IMMP2L: variants seen among roughly 807,000 people sequenced by gnomAD.
The protein encoded by IMMP2L is inner mitochondrial membrane peptidase subunit 2, also known as mitochondrial inner membrane protease subunit 2.
In IMMP2L, 18 loss-of-function variants were observed where a neutral mutation model predicts 19.3. The ratio of observed to expected loss-of-function variants is 0.93; its 90% CI spans 0.64 to 1.38. The LOEUF is 1.38. Among genes scored for constraint, IMMP2L ranks in the 40% most tolerant of loss-of-function variants. The pLI is 0.00. For synonymous variants in IMMP2L, 76 were observed against 73.0 expected, an observed-to-expected ratio of 1.04 and a Z score of -0.21; for missense variants, 233 against 218.2, an observed-to-expected ratio of 1.07 and a Z score of -0.43.
At chr7:111,421,288 G>A (rs1478708921) in intron 3 of IMMP2L, among the ~76,000 whole-genome samples, 1 of 29,760 alleles carries the variant, frequency 3.4e-5, no homozygotes, top group Non-Finnish European at 6.6e-5. Context: ...TTTTTTTTTT[G>A]AGACGGAGTC....
At chr7:110,669,089 G>GTA (rs746970601) in intron 5 of IMMP2L, among the ~76,000 whole-genome samples, 6 of 139,978 alleles carry the variant, frequency 4.3e-5, no homozygotes, top group South Asian at 2.3e-4. Context: ...GTGTGTGTGT[G>GTA]TATATGTATA....
chr7:111,107,524 G>A (rs1238693987), intron 3 of IMMP2L, among the ~76,000 whole-genome samples: 1 of 151,936 alleles, frequency 6.6e-6, no homozygotes, highest in African/African-American at 2.4e-5. Context: ...TTGAAGAAGG[G>A]GCAATGGAAC....
intron 4 of IMMP2L, among the ~76,000 whole-genome samples, chr7:110,900,996 T>C (rs1585194184): frequency 6.6e-6 from 1 of 151,974 alleles, no homozygotes; most frequent in Non-Finnish European, 1.5e-5. Flanking sequence ...AATGTGGCTG[T>C]TGCTTCACTT....
chr7:111,444,885 C>A (rs569177187), intron 3 of IMMP2L, among the ~76,000 whole-genome samples: 25 of 152,148 alleles, frequency 1.6e-4, no homozygotes, highest in African/African-American at 6.0e-4. Flanking sequence ...TGTCCTTCAG[C>A]ATAATATCTA....
chr7:110,844,018 G>A (rs527485742), intron 5 of IMMP2L, among the ~76,000 whole-genome samples: 3 of 152,228 alleles, frequency 2.0e-5, no homozygotes, highest in Admixed American at 6.5e-5. Flanking sequence ...GTGAAGCCTG[G>A]AGCCTTTGGA....
Position 111,123,432 on chromosome 7 carries a change from T to C in IMMP2L, c.240-159867A>G. On this transcript the variant is annotated intron_variant, in intron 3 of 5. Coordinates refer to ENST00000405709, the MANE Select transcript of IMMP2L (RefSeq NM_032549.4). This position sits in a 1 kb window ranked among gnomAD's most constrained non-coding sequence, Gnocchi z 6.4. ...TCAATCTTCGCAGCCTGGTTATAGC[T>C]GGTATAAACCTCACAGAAATACCAG... 1.9e-6 allele frequency: 3 copies of C among 1,613,434 alleles called. No individual in the cohort carries two copies. Among genetic ancestry groups the C allele is most frequent in the Non-Finnish European group, 2.5e-6 (3 of 1,179,812 alleles).
At chr7:111,302,437 T>G (rs1822360100) in intron 3 of IMMP2L, among the ~76,000 whole-genome samples, 1 of 152,128 alleles carries the variant, frequency 6.6e-6, no homozygotes, top group Admixed American at 6.6e-5. Flanking sequence ...GCATGAATAA[T>G]AATAAGTACA....
chr7:111,494,682 C>T (rs538546281), intron 2 of IMMP2L, among the ~76,000 whole-genome samples: 3 of 152,106 alleles, frequency 2.0e-5, no homozygotes, highest in Non-Finnish European at 4.4e-5. Context: ...TGCAGGAACA[C>T]TGATCTCATG....
intron 5 of IMMP2L, among the ~76,000 whole-genome samples, chr7:110,830,477 GAC>G (rs1368203905): frequency 6.6e-6 from 1 of 151,982 alleles, no homozygotes; most frequent in African/African-American, 2.4e-5. Context: ...AAGTAAAGTG[GAC>G]ACAGTTTTAC....
intron 5 of IMMP2L, among the ~76,000 whole-genome samples, chr7:110,719,297 A>G (rs563683060): frequency 7.9e-5 from 12 of 152,244 alleles, no homozygotes; most frequent in Non-Finnish European, 1.8e-4. Context: ...TCAATGCAGA[A>G]GCAAACATGA....
chr7:111,398,270 T>G (rs1285754924), intron 3 of IMMP2L, among the ~76,000 whole-genome samples: 1 of 152,140 alleles, frequency 6.6e-6, no homozygotes, highest in South Asian at 2.1e-4. Context: ...ATCAAAAAGA[T>G]AGTCCACCAT....
At chr7:110,898,641 T>C (rs1280408492) in intron 4 of IMMP2L, among the ~76,000 whole-genome samples, 1 of 152,096 alleles carries the variant, frequency 6.6e-6, no homozygotes. Context: ...CATTATCTAC[T>C]TCCCTGGAGA....
At chr7:111,360,113 T>C (rs1829117375) in intron 3 of IMMP2L, among the ~76,000 whole-genome samples, 1 of 101,170 alleles carries the variant, frequency 9.9e-6, no homozygotes, top group Non-Finnish European at 1.8e-5. Flanking sequence ...GATTACAATT[T>C]CGCCATAATG....
chr7:111,326,447 C>T (rs1477149213), intron 3 of IMMP2L, among the ~76,000 whole-genome samples: 2 of 151,760 alleles, frequency 1.3e-5, no homozygotes, highest in Non-Finnish European at 2.9e-5. Flanking sequence ...GAAAGCTGTA[C>T]AATGCCTCAA....
At chr7:111,089,690 C>T (rs1260602866) in intron 3 of IMMP2L, among the ~76,000 whole-genome samples, 1 of 151,866 alleles carries the variant, frequency 6.6e-6, no homozygotes, top group African/African-American at 2.4e-5. Flanking sequence ...ATAATAAAAC[C>T]TTACAATAAT....
In IMMP2L at chr7:110,963,575, G is replaced by A. The variant is rs769806233; in HGVS notation, c.240-10C>T. 6.5e-7 allele frequency: 1 copy of A among 1,538,170 alleles called. No homozygotes were observed. The highest frequency in any genetic ancestry group is 9.0e-7 in the Non-Finnish European group (1 of 1,116,036). ...TGGGTTTTTAGGAGACCTAGAACAA[G>A]AAGATAACATTATACAATCAGTTAT... On this transcript the variant is annotated splice_polypyrimidine_tract_variant and intron_variant, in intron 3 of 5. Transcript: ENST00000405709.
At chr7:110,858,111 G>A (rs1806996425) in intron 5 of IMMP2L, among the ~76,000 whole-genome samples, 1 of 151,506 alleles carries the variant, frequency 6.6e-6, no homozygotes, top group Non-Finnish European at 1.5e-5. Context: ...AATTACATTT[G>A]TATTAATCTT....
chr7:111,278,452 CA>C (rs948622411), intron 3 of IMMP2L, among the ~76,000 whole-genome samples: 1 of 151,874 alleles, frequency 6.6e-6, no homozygotes, highest in Admixed American at 6.6e-5. Context: ...CTTTTATTGT[CA>C]AAAAAACACA....
chr7:111,039,589 C>T (rs1791685254), intron 3 of IMMP2L, among the ~76,000 whole-genome samples: 1 of 152,200 alleles, frequency 6.6e-6, no homozygotes, highest in South Asian at 2.1e-4. Flanking sequence ...TGAGCTCTCC[C>T]CCCTTTGTAT....
Sources: allele counts gnomAD v4.1 joint callset (sites outside exome capture counted in the v4.1 genomes callset), GRCh38; gene constraint gnomAD v4.1.1; non-coding constraint Gnocchi (gnomAD v3.1); transcripts MANE v1.5; gene names NCBI Gene and HGNC (gene_info 2026-07-23, HGNC 2026-07-21).